The following FAM118B variants were observed in gnomAD, a reference collection of about 807,000 sequenced individuals.
The protein encoded by FAM118B is protein FAM118B.
FAM118B carries 24 observed loss-of-function variants against 38.5 expected under a neutral mutation model. That is an observed-to-expected ratio of 0.62 (90% CI 0.45 to 0.88). The LOEUF is 0.88. Among genes scored for constraint, FAM118B ranks in the 40% least tolerant of loss-of-function variants. The pLI is 0.00. For missense variants in FAM118B, 334 were observed against 420.0 expected (o/e 0.80, Z 1.79); for synonymous variants, 138 against 156.3 (o/e 0.88, Z 0.87).
intron 7 of FAM118B, chr11:126,261,100 C>T (rs892351171): frequency 7.7e-5 from 17 of 221,378 alleles, no homozygotes; most frequent in East Asian, 3.9e-4. Flanking sequence ...GAATTTTTAC[C>T]GAAACTTGGC....
chr11:126,221,423 A>G (rs1447837003), intron 1 of FAM118B, among the ~76,000 whole-genome samples: 4 of 152,194 alleles, frequency 2.6e-5, no homozygotes, highest in Non-Finnish European at 5.9e-5. Flanking sequence ...ATAATGGCCT[A>G]TAAATATTAT....
intron 3 of FAM118B, among the ~76,000 whole-genome samples, chr11:126,240,474 C>T (rs1469991576): frequency 6.6e-6 from 1 of 151,940 alleles, no homozygotes; most frequent in Non-Finnish European, 1.5e-5. Flanking sequence ...TGGCAGAAGT[C>T]AGCTGAGCTA....
In FAM118B at chr11:126,256,824, A is replaced by C; in HGVS notation, c.954A>C (p.Thr318=). The C allele has an allele frequency of 6.2e-7, 1 of 1,612,342 alleles. No individual in the cohort carries two copies. ...TTCCAGAATATTTCAAGCGACTGACATGTGAGATCTCCACAAGGGGTACAT... is the reference window on the plus strand; with the variant it reads ...TTCCAGAATATTTCAAGCGACTGACCTGTGAGATCTCCACAAGGGGTACAT... ...ADLPEYFKRL[T]CEISTRGTSA... The change falls in exon 7 of 9, where the codon ACA becomes ACC. Residue 318 remains threonine (T), a synonymous_variant. Coordinates refer to ENST00000533050, the MANE Select transcript of FAM118B (RefSeq NM_024556.4). This position sits in a 1 kb window ranked among gnomAD's most constrained non-coding sequence, Gnocchi z 6.6.
At chr11:126,213,745 G>A (rs1466133092) in intron 1 of FAM118B, among the ~76,000 whole-genome samples, 1 of 152,130 alleles carries the variant, frequency 6.6e-6, no homozygotes, top group African/African-American at 2.4e-5. Flanking sequence ...CTTCTGTGGC[G>A]GGAAACAAAA....
At chr11:126,251,564 C>G (rs1950503936) in intron 5 of FAM118B, among the ~76,000 whole-genome samples, 1 of 152,194 alleles carries the variant, frequency 6.6e-6, no homozygotes, top group Non-Finnish European at 1.5e-5. Context: ...TGTCTTCCGC[C>G]TACGCCCTCA....
chr11:126,261,819 T>C (rs771805313), intron 8 of FAM118B, among the ~76,000 whole-genome samples: 4 of 152,034 alleles, frequency 2.6e-5, no homozygotes, highest in Admixed American at 1.3e-4. Context: ...CAAGATGCTG[T>C]TTCTACAAAA....
chr11:126,223,331 T>C (rs1950091383), intron 1 of FAM118B, among the ~76,000 whole-genome samples: 1 of 152,190 alleles, frequency 6.6e-6, no homozygotes. Flanking sequence ...CCGGGTGTGG[T>C]GGCTCACACC....
chr11:126,244,752 A>G lies in FAM118B; in HGVS notation c.339+3708A>G, dbSNP rs1289931262. Among the ~76,000 whole-genome samples the G allele has an allele frequency of 6.6e-6, 1 of 152,178 alleles. No individual in the cohort carries two copies. Among genetic ancestry groups the G allele is most frequent in the Non-Finnish European group, 1.5e-5 (1 of 68,022 alleles). On this transcript the variant is annotated intron_variant, in intron 4 of 8. Coordinates refer to ENST00000533050, the MANE Select transcript of FAM118B (RefSeq NM_024556.4). The surrounding 1 kb of genome is among the most constrained non-coding windows in gnomAD (Gnocchi z 4.5). ...CTGGGAGCAGAGGTTGCAGCGAGCC[A>G]GGATCCCTCCACTGCACTCCAGCCT...
intron 1 of FAM118B, among the ~76,000 whole-genome samples, chr11:126,212,159 A>ATCT (rs1401526251): frequency 6.6e-6 from 1 of 152,024 alleles, no homozygotes; most frequent in Non-Finnish European, 1.5e-5. Context: ...TCCACCCTTC[A>ATCT]TCTTCCAACT....
intron 1 of FAM118B, among the ~76,000 whole-genome samples, chr11:126,220,257 C>A (rs1028609575): frequency 6.6e-6 from 1 of 152,224 alleles, no homozygotes; most frequent in Non-Finnish European, 1.5e-5. Flanking sequence ...GGCTGCCCAG[C>A]TTTCTGGCTG....
chr11:126,258,581 T>C (rs915852673), intron 7 of FAM118B, among the ~76,000 whole-genome samples: 1 of 152,172 alleles, frequency 6.6e-6, no homozygotes, highest in Non-Finnish European at 1.5e-5. Context: ...ACAAGTCTCA[T>C]TTGTGAAAAC....
In FAM118B at chr11:126,256,496, T is replaced by C; in HGVS notation, c.697-71T>C. The C allele has an allele frequency of 6.8e-7, 1 of 1,461,830 alleles. No individual in the cohort carries two copies. 90.6% of individuals were successfully genotyped at this position (1,461,830 alleles called of 1,614,324 possible). ...TCATCACAGTCTGCTCAACGTAGCA[T>C]GACCTTCTTGTTTCAGACTTGCCTT... On this transcript the variant is annotated intron_variant, in intron 6 of 8. Transcript: ENST00000533050. The surrounding 1 kb of genome is among the most constrained non-coding windows in gnomAD (Gnocchi z 6.6).
At chr11:126,214,700 T>C (rs1286205237) in intron 1 of FAM118B, among the ~76,000 whole-genome samples, 1 of 152,076 alleles carries the variant, frequency 6.6e-6, no homozygotes, top group Non-Finnish European at 1.5e-5. Flanking sequence ...TCTTGCAGAC[T>C]ACGGCTCTGT....
At chr11:126,260,027 A>G (rs1950655691) in intron 7 of FAM118B, among the ~76,000 whole-genome samples, 1 of 151,578 alleles carries the variant, frequency 6.6e-6, no homozygotes, top group Non-Finnish European at 1.5e-5. Flanking sequence ...CTTTATTTTT[A>G]TTTTATTATT....
intron 1 of FAM118B, among the ~76,000 whole-genome samples, chr11:126,216,232 T>A (rs946066663): frequency 2.0e-5 from 3 of 151,790 alleles, no homozygotes; most frequent in Non-Finnish European, 4.4e-5. Context: ...TAAAATTAGC[T>A]GAGCATGGTG....
chr11:126,233,886 C>G (rs940573023), intron 2 of FAM118B, among the ~76,000 whole-genome samples: 1 of 152,088 alleles, frequency 6.6e-6, no homozygotes, highest in Non-Finnish European at 1.5e-5. Context: ...AGTTAGAGAC[C>G]AGCTGGGCAA....
intron 1 of FAM118B, among the ~76,000 whole-genome samples, chr11:126,226,561 C>G (rs962930844): frequency 6.6e-6 from 1 of 152,224 alleles, no homozygotes; most frequent in Admixed American, 6.5e-5. Context: ...TTCTCTCCTT[C>G]CCCCCGGCAG....
chr11:126,256,928 G>A lies in FAM118B; in HGVS notation c.982+76G>A. On this transcript the variant is annotated intron_variant, in intron 7 of 8. Transcript: ENST00000533050. This position sits in a 1 kb window ranked among gnomAD's most constrained non-coding sequence, Gnocchi z 6.6. Reference sequence around the variant, plus strand: ...CCTTTTGTGTATTTGTGATGTGATGGGCAAAATAGTTGCCAAGATGAGGAA... The same window carrying A: ...CCTTTTGTGTATTTGTGATGTGATGAGCAAAATAGTTGCCAAGATGAGGAA... 1 of 1,421,692 alleles carries A rather than the reference G, an allele frequency of 7.0e-7. No individual in the cohort carries two copies. Among genetic ancestry groups the A allele is most frequent in the South Asian group, 1.3e-5 (1 of 74,646 alleles). 88.1% of individuals were successfully genotyped at this position (1,421,692 alleles called of 1,614,324 possible).
intron 4 of FAM118B, 132 bp downstream of exon 4, chr11:126,241,176 A>G (rs747219132): frequency 5.9e-6 from 6 of 1,012,632 alleles, no homozygotes; most frequent in Non-Finnish European, 7.1e-6. Context: ...GTAGGTTTCC[A>G]TAACATTTGA....
Sources: gnomAD v4.1 joint callset for allele counts (sites outside exome capture counted in the v4.1 genomes callset) on GRCh38, gnomAD v4.1.1 for gene constraint, Gnocchi (gnomAD v3.1) non-coding constraint, MANE v1.5 for transcripts, NCBI Gene and HGNC (gene_info 2026-07-23, HGNC 2026-07-21) for gene names.